Variants in MED27 observed in about 807,000 individuals in gnomAD.
The protein encoded by MED27 is mediator of RNA polymerase II transcription subunit 27.
MED27 carries 30 observed loss-of-function variants against 38.2 expected under a neutral mutation model. The observed-to-expected ratio is 0.79, with a 90% CI of 0.59 to 1.07. The LOEUF (loss-of-function observed/expected upper bound fraction) is 1.07, where lower values mean the gene tolerates loss of function less well. Among genes scored for constraint, MED27 ranks in the 50% least tolerant of loss-of-function variants. MED27 has a pLI of 0.00. For missense variants in MED27, 289 were observed against 397.5 expected, an observed-to-expected ratio of 0.73 and a Z score of 2.32; for synonymous variants, 122 against 153.5, an observed-to-expected ratio of 0.79 and a Z score of 1.52.
intron 2 of MED27, among the ~76,000 whole-genome samples, chr9:132,037,654 C>A (rs1833109046): frequency 6.6e-6 from 1 of 152,156 alleles, no homozygotes. Flanking sequence ...CTTGGGCTGG[C>A]TTCGGTGGCA....
Position 131,953,564 on chromosome 9 carries a change from A to G in MED27, c.480-14090T>C, listed in dbSNP as rs117630103. Among the ~76,000 whole-genome samples, 844 of 152,260 alleles carry G rather than the reference A, an allele frequency of 5.5e-3. 3 individuals are homozygous for G. Among genetic ancestry groups the G allele is most frequent in the Non-Finnish European group, 9.1e-3 (618 of 68,028 alleles). ...TACCACAGAGGCTAGGCTTTAAAAAATTATACAAATATTATACAAATTATA... is the reference window on the plus strand; with the variant it reads ...TACCACAGAGGCTAGGCTTTAAAAAGTTATACAAATATTATACAAATTATA... On this transcript the variant is annotated intron_variant, in intron 3 of 7. Transcript: ENST00000292035.
intron 5 of MED27, among the ~76,000 whole-genome samples, chr9:131,884,927 T>C (rs1344132044): frequency 1.3e-5 from 2 of 152,210 alleles, no homozygotes; most frequent in Non-Finnish European, 2.9e-5. Context: ...ATTTCAAAAT[T>C]TAAAGTTTTC....
intron 4 of MED27, among the ~76,000 whole-genome samples, chr9:131,909,337 A>G (rs939113436): frequency 1.3e-5 from 2 of 152,250 alleles, no homozygotes; most frequent in Non-Finnish European, 2.9e-5. Context: ...CAATAATAAT[A>G]GGCCCTCTTT....
chr9:131,903,204 G>T (rs1397938486), intron 4 of MED27, among the ~76,000 whole-genome samples: 1 of 152,234 alleles, frequency 6.6e-6, no homozygotes, highest in Non-Finnish European at 1.5e-5. Flanking sequence ...CAATCATGGC[G>T]GAAGGCAAGG....
At position 131,937,697 on chromosome 9, in the gene MED27, G is replaced by C. The variant is rs2130964634; in HGVS notation, c.573+1684C>G. ...AATTTGAACAAACCTATTTCACTGA[G>C]GATGCATTCATTTTTATCTTCATTA... On this transcript the variant is annotated intron_variant, in intron 4 of 7. Transcript: ENST00000292035. 1.3e-5 allele frequency among the ~76,000 whole-genome samples: 2 copies of C among 152,284 alleles called. 1 individual carries two copies. The highest frequency in any genetic ancestry group is 4.1e-4 in the South Asian group (2 of 4,822).
chr9:132,058,098 A>C (rs1294949053), intron 2 of MED27, among the ~76,000 whole-genome samples: 1 of 152,248 alleles, frequency 6.6e-6, no homozygotes, highest in Non-Finnish European at 1.5e-5. Flanking sequence ...CACTTTTAAA[A>C]GTAAAAACTT....
chr9:132,013,063 C>T (rs568894925), intron 3 of MED27, among the ~76,000 whole-genome samples: 3 of 152,294 alleles, frequency 2.0e-5, no homozygotes, highest in Admixed American at 6.5e-5. Context: ...GAACGCTTCT[C>T]GGGCATCTGG....
At chr9:132,019,047 C>T (rs962539565) in intron 2 of MED27, among the ~76,000 whole-genome samples, 3 of 152,078 alleles carry the variant, frequency 2.0e-5, no homozygotes, top group Admixed American at 6.5e-5. Flanking sequence ...GGTAGGGAGC[C>T]CCACCATCTC....
At chr9:131,906,713 G>A (rs531140064) in intron 4 of MED27, among the ~76,000 whole-genome samples, 12 of 152,280 alleles carry the variant, frequency 7.9e-5, no homozygotes, top group Admixed American at 3.9e-4. Flanking sequence ...GAGGGTTCTC[G>A]GATCTTGTGC....
rs1290343363 is a variant in MED27 at position 132,053,020 on chromosome 9, G to C, written c.348+24422C>G. 2.0e-5 allele frequency among the ~76,000 whole-genome samples: 3 copies of C among 152,072 alleles called. 1 individual carries two copies. In the East Asian group the frequency reaches 5.8e-4, roughly 30 times the overall value. On this transcript the variant is annotated intron_variant, in intron 2 of 7. Transcript: ENST00000292035. ...TGTAATCCCAGCACTTTGGGAGGCC[G>C]AGGTGGGTGGATCACGAGGTCAGGA...
At chr9:131,878,279 A>AAATAAATG (rs1466014859) in intron 6 of MED27, among the ~76,000 whole-genome samples, 3 of 106,004 alleles carry the variant, frequency 2.8e-5, no homozygotes, top group African/African-American at 9.9e-5. Context: ...TTACAAAAAT[A>AAATAAATG]AATAAATAAA....
intron 3 of MED27, among the ~76,000 whole-genome samples, chr9:131,949,579 G>T (rs1386565306): frequency 6.6e-6 from 1 of 152,184 alleles, no homozygotes; most frequent in African/African-American, 2.4e-5. Flanking sequence ...GGTCTGCGAG[G>T]ATTCCTTGGA....
intron 4 of MED27, among the ~76,000 whole-genome samples, chr9:131,938,016 G>C (rs904002724): frequency 9.9e-5 from 15 of 152,040 alleles, no homozygotes; most frequent in Admixed American, 2.6e-4. Flanking sequence ...TTTTCTTTAT[G>C]TTTTAACTGA....
intron 3 of MED27, among the ~76,000 whole-genome samples, chr9:131,966,230 A>C (rs1831342999): frequency 6.9e-6 from 1 of 145,964 alleles, no homozygotes; most frequent in East Asian, 2.0e-4. Context: ...ACAAAACCAA[A>C]AGCAACTGAT....
At chr9:132,057,523 A>C (rs1833607970) in intron 2 of MED27, among the ~76,000 whole-genome samples, 1 of 152,254 alleles carries the variant, frequency 6.6e-6, no homozygotes, top group Non-Finnish European at 1.5e-5. Context: ...TGGTGTTTAA[A>C]TATTCTCTTG....
chr9:132,075,070 C>T (rs1251846932), intron 2 of MED27, among the ~76,000 whole-genome samples: 1 of 152,164 alleles, frequency 6.6e-6, no homozygotes. Flanking sequence ...TGATAAATCA[C>T]TAAAAATTAG....
chr9:131,908,370 G>A (rs1248600567), intron 4 of MED27, among the ~76,000 whole-genome samples: 13 of 152,246 alleles, frequency 8.5e-5, no homozygotes, highest in African/African-American at 4.8e-5. Flanking sequence ...CCCCGTCTGG[G>A]AGGTGTACCC....
chr9:132,043,196 A>G (rs966644630), intron 2 of MED27, among the ~76,000 whole-genome samples: 4 of 152,144 alleles, frequency 2.6e-5, no homozygotes, highest in African/African-American at 9.7e-5. Context: ...TCAAAACGGA[A>G]AGAAAAAGTA....
chr9:132,052,060 G>A (rs1267084525), intron 2 of MED27, among the ~76,000 whole-genome samples: 5 of 152,132 alleles, frequency 3.3e-5, no homozygotes, highest in African/African-American at 7.2e-5. Context: ...GAGATTTCGC[G>A]AGACAGGGGT....
Sources: gnomAD v4.1 joint callset for allele counts (sites outside exome capture counted in the v4.1 genomes callset) on GRCh38, gnomAD v4.1.1 for gene constraint, MANE v1.5 for transcripts, NCBI Gene and HGNC (gene_info 2026-07-23, HGNC 2026-07-21) for gene names.